Variants in NXPH1 observed in about 807,000 individuals in gnomAD.
The protein encoded by NXPH1 is neurexophilin-1.
NXPH1 carries 5 observed loss-of-function variants against 23.7 expected under a neutral mutation model. That is an observed-to-expected ratio of 0.21 (90% CI 0.11 to 0.44). The LOEUF (loss-of-function observed/expected upper bound fraction) is 0.44. Ranked by LOEUF, NXPH1 falls within the 20% of genes least tolerant of loss-of-function variation. The pLI is 0.99. For missense variants in NXPH1, 324 were observed against 321.6 expected, an observed-to-expected ratio of 1.01 and a Z score of -0.06; for synonymous variants, 144 against 122.2, an observed-to-expected ratio of 1.18 and a Z score of -1.18.
intron 2 of NXPH1, among the ~76,000 whole-genome samples, chr7:8,592,975 T>C (rs1023578865): frequency 1.3e-5 from 2 of 151,946 alleles, no homozygotes; most frequent in Non-Finnish European, 2.9e-5. Flanking sequence ...GTCCCCGTTT[T>C]ACCAACACAG....
chr7:8,498,554 A>G (rs988008299), intron 2 of NXPH1, among the ~76,000 whole-genome samples: 6 of 151,990 alleles, frequency 3.9e-5, no homozygotes, highest in Non-Finnish European at 1.5e-5. Flanking sequence ...TGTTTTTGAA[A>G]TCTCCACTTG....
chr7:8,640,162 T>C (rs549335505), intron 2 of NXPH1, among the ~76,000 whole-genome samples: 1 of 152,338 alleles, frequency 6.6e-6, no homozygotes, highest in Non-Finnish European at 1.5e-5. Context: ...TTTATGTCAG[T>C]GTACATCTTT....
chr7:8,624,618 C>A (rs1479676625), intron 2 of NXPH1, among the ~76,000 whole-genome samples: 1 of 152,040 alleles, frequency 6.6e-6, no homozygotes, highest in African/African-American at 2.4e-5. Flanking sequence ...ATGGTGAACA[C>A]ACCATGCATC....
chr7:8,512,126 A>G (rs1010193550), intron 2 of NXPH1, among the ~76,000 whole-genome samples: 5 of 152,160 alleles, frequency 3.3e-5, no homozygotes, highest in African/African-American at 1.2e-4. Context: ...GGAAGGAACC[A>G]GAGGGATTGC....
At chr7:8,750,431 T>G (rs933108011) in intron 2 of NXPH1, among the ~76,000 whole-genome samples, 32 of 152,318 alleles carry the variant, frequency 2.1e-4, no homozygotes, top group African/African-American at 7.5e-4. Context: ...ACCCGTTCTC[T>G]AAGTTCCCTC....
chr7:8,693,042 AAG>A (rs1391014260), intron 2 of NXPH1, among the ~76,000 whole-genome samples: 1 of 152,226 alleles, frequency 6.6e-6, no homozygotes, highest in East Asian at 1.9e-4. Context: ...AAATAGAAAA[AAG>A]AGGCAAGTGA....
intron 2 of NXPH1, among the ~76,000 whole-genome samples, chr7:8,585,410 T>TAA (rs56823817): frequency 0.089 from 13,520 of 152,190 alleles, 667 homozygotes; most frequent in East Asian, 0.15. Context: ...GGCTTTACTA[T>TAA]AACGTAATTC....
chr7:8,451,110 C>CTT (rs5882168), intron 2 of NXPH1, among the ~76,000 whole-genome samples: 55,248 of 139,192 alleles, frequency 0.4, 11,264 homozygotes, highest in East Asian at 0.76. Flanking sequence ...AGGGATCTAG[C>CTT]TTTTTTTTTT....
intron 2 of NXPH1, among the ~76,000 whole-genome samples, chr7:8,574,465 A>G (rs980419147): frequency 1.3e-5 from 2 of 152,004 alleles, no homozygotes; most frequent in South Asian, 2.1e-4. Context: ...TCAGTTTAAG[A>G]TTGCTCAGTC....
chr7:8,501,355 C>T (rs1817429569), intron 2 of NXPH1, among the ~76,000 whole-genome samples: 1 of 151,980 alleles, frequency 6.6e-6, no homozygotes, highest in African/African-American at 2.4e-5. Context: ...CAAGATATGA[C>T]TACAAATCAT....
chr7:8,502,730 G>T (rs566062753), intron 2 of NXPH1, among the ~76,000 whole-genome samples: 4 of 151,652 alleles, frequency 2.6e-5, no homozygotes, highest in African/African-American at 9.7e-5. Flanking sequence ...GAACTCATTA[G>T]GAAGTGCATA....
At chr7:8,730,798 T>C (rs1249714826) in intron 2 of NXPH1, among the ~76,000 whole-genome samples, 2 of 150,592 alleles carry the variant, frequency 1.3e-5, no homozygotes, top group East Asian at 3.9e-4. Flanking sequence ...TCAACTTTGG[T>C]GAATCTGACA....
At chr7:8,498,188 C>G (rs771848187) in intron 2 of NXPH1, among the ~76,000 whole-genome samples, 1 of 152,038 alleles carries the variant, frequency 6.6e-6, no homozygotes, top group Non-Finnish European at 1.5e-5. Flanking sequence ...AGATGGACAT[C>G]AGCTTCATTT....
At chr7:8,684,726 A>G (rs1821118839) in intron 2 of NXPH1, among the ~76,000 whole-genome samples, 2 of 152,154 alleles carry the variant, frequency 1.3e-5, no homozygotes, top group Non-Finnish European at 2.9e-5. Flanking sequence ...ATTTCAAGTC[A>G]TTTCCTTCAG....
At chr7:8,530,268 A>C (rs371433926) in intron 2 of NXPH1, among the ~76,000 whole-genome samples, 1 of 152,196 alleles carries the variant, frequency 6.6e-6, no homozygotes, top group African/African-American at 2.4e-5. Flanking sequence ...ACCTGTAGCA[A>C]ATGCCTCAAA....
At chr7:8,463,699 C>T (rs916214649) in intron 2 of NXPH1, among the ~76,000 whole-genome samples, 1 of 152,130 alleles carries the variant, frequency 6.6e-6, no homozygotes. Flanking sequence ...GTACCTTTTA[C>T]GTGCCTAAGG....
intron 2 of NXPH1, among the ~76,000 whole-genome samples, chr7:8,608,721 C>G (rs1427391100): frequency 6.6e-6 from 1 of 151,922 alleles, no homozygotes; most frequent in Non-Finnish European, 1.5e-5. Flanking sequence ...CACCAAAATA[C>G]CACCACAAAC....
At chr7:8,550,003 T>C (rs1311766715) in intron 2 of NXPH1, among the ~76,000 whole-genome samples, 1 of 151,612 alleles carries the variant, frequency 6.6e-6, no homozygotes, top group Admixed American at 6.6e-5. Context: ...TCTGGTGATA[T>C]ATATGTCTTA....
Position 8,435,812 on chromosome 7 carries a change from G to A in NXPH1, c.54+45G>A, listed in dbSNP as rs1451267078. On this transcript the variant is annotated intron_variant, in intron 2 of 2. Transcript: ENST00000405863. This position sits in a 1 kb window ranked among gnomAD's most constrained non-coding sequence, Gnocchi z 5.9. ...GGGCTTTCGCATTTTTACCCCGGCCGGGAGGCAAGGAAACTGGGGACACGC... is the reference window on the plus strand; with the variant it reads ...GGGCTTTCGCATTTTTACCCCGGCCAGGAGGCAAGGAAACTGGGGACACGC... The A allele has an allele frequency of 3.8e-6, 6 of 1,581,138 alleles. No homozygotes were observed. Among genetic ancestry groups the A allele is most frequent in the Admixed American group, 3.3e-5 (2 of 59,968 alleles).
Sources: gnomAD v4.1 joint callset for allele counts (sites outside exome capture counted in the v4.1 genomes callset) on GRCh38, gnomAD v4.1.1 for gene constraint, Gnocchi (gnomAD v3.1) non-coding constraint, MANE v1.5 for transcripts, NCBI Gene and HGNC (gene_info 2026-07-23, HGNC 2026-07-21) for gene names.